Variants in CTTNBP2 observed in about 807,000 individuals in gnomAD.
CTTNBP2 encodes cortactin-binding protein 2.
Under a neutral mutation model 156.9 loss-of-function variants are expected in CTTNBP2, and 108 were observed. The ratio of observed to expected loss-of-function variants is 0.69; its 90% confidence interval spans 0.59 to 0.81. CTTNBP2 has a LOEUF of 0.81. Among genes scored for constraint, CTTNBP2 ranks in the 30% least tolerant of loss-of-function variants. CTTNBP2 has a pLI of 0.00. For missense variants in CTTNBP2, 1,924 were observed against 2,035.4 expected, an observed-to-expected ratio of 0.95 and a Z score of 1.05; for synonymous variants, 767 against 751.8, an observed-to-expected ratio of 1.02 and a Z score of -0.33.
At chr7:117,806,853 G>A (rs956371469) in intron 3 of CTTNBP2, among the ~76,000 whole-genome samples, 3 of 151,314 alleles carry the variant, frequency 2.0e-5, no homozygotes, top group Non-Finnish European at 4.4e-5. Context: ...CTGCCTCCCA[G>A]GGTCAAGCAA....
At chr7:117,802,177 G>A (rs13226012) in intron 3 of CTTNBP2, among the ~76,000 whole-genome samples, 1 of 150,516 alleles carries the variant, frequency 6.6e-6, no homozygotes, top group Non-Finnish European at 1.5e-5. Flanking sequence ...TTGTTCTTGC[G>A]ATAGTTTACT....
chr7:117,741,718 A>AT (rs1796027671), intron 14 of CTTNBP2, among the ~76,000 whole-genome samples: 1 of 152,134 alleles, frequency 6.6e-6, no homozygotes, highest in South Asian at 2.1e-4. Flanking sequence ...CAAACACTTC[A>AT]TTTTTTAAAA....
intron 4 of CTTNBP2, among the ~76,000 whole-genome samples, chr7:117,788,459 T>C (rs1483438869): frequency 6.6e-6 from 1 of 152,192 alleles, no homozygotes; most frequent in African/African-American, 2.4e-5. Context: ...CCCTGTGCCT[T>C]GCTTTGGGCA....
chr7:117,776,888 A>C (rs1444021958), intron 8 of CTTNBP2, among the ~76,000 whole-genome samples: 1 of 152,244 alleles, frequency 6.6e-6, no homozygotes, highest in Non-Finnish European at 1.5e-5. Context: ...AAATGTTAGC[A>C]CGCACAGTGC....
intron 4 of CTTNBP2, among the ~76,000 whole-genome samples, chr7:117,788,615 T>C (rs1308233633): frequency 6.6e-6 from 1 of 152,190 alleles, no homozygotes; most frequent in Non-Finnish European, 1.5e-5. Context: ...ATGGTCACAG[T>C]GGCGAAAATA....
At chr7:117,788,142 T>A (rs1798802472) in intron 4 of CTTNBP2, among the ~76,000 whole-genome samples, 1 of 152,028 alleles carries the variant, frequency 6.6e-6, no homozygotes, top group Non-Finnish European at 1.5e-5. Flanking sequence ...GCCCAGCTAA[T>A]TTTTATATTT....
At chr7:117,862,318 G>T (rs953974716) in intron 1 of CTTNBP2, among the ~76,000 whole-genome samples, 54 of 151,846 alleles carry the variant, frequency 3.6e-4, no homozygotes, top group African/African-American at 1.2e-3. Context: ...GGGGTGGGGT[G>T]GGGGGGCGGT....
At chr7:117,853,217 G>A (rs909433388) in intron 2 of CTTNBP2, among the ~76,000 whole-genome samples, 2 of 152,120 alleles carry the variant, frequency 1.3e-5, no homozygotes, top group African/African-American at 2.4e-5. Flanking sequence ...ACCATCATGG[G>A]ATGGATGGAG....
chr7:117,807,667 C>A (rs1030131362), intron 3 of CTTNBP2, among the ~76,000 whole-genome samples: 1 of 152,044 alleles, frequency 6.6e-6, no homozygotes, highest in Admixed American at 6.5e-5. Context: ...ATGAGTGATA[C>A]AAAAAAGAAG....
chr7:117,718,870 A>T (rs1032197480), intron 21 of CTTNBP2, among the ~76,000 whole-genome samples: 5 of 152,176 alleles, frequency 3.3e-5, no homozygotes, highest in Admixed American at 3.3e-4. Context: ...GAAAGGAAAA[A>T]TATCTGAGGA....
At chr7:117,840,761 G>A (rs1475425556) in intron 2 of CTTNBP2, among the ~76,000 whole-genome samples, 1 of 152,168 alleles carries the variant, frequency 6.6e-6, no homozygotes, top group Non-Finnish European at 1.5e-5. Context: ...CAGAAAATCT[G>A]AATGGTGAGG....
At chr7:117,779,462 T>C (rs921630942) in intron 7 of CTTNBP2, among the ~76,000 whole-genome samples, 1 of 152,300 alleles carries the variant, frequency 6.6e-6, no homozygotes, top group Non-Finnish European at 1.5e-5. Flanking sequence ...TGGATTTCTG[T>C]GTTCTCTAAC....
chr7:117,752,908 G>T (rs1796687751), intron 12 of CTTNBP2, among the ~76,000 whole-genome samples: 2 of 152,080 alleles, frequency 1.3e-5, no homozygotes. Context: ...AATAGAGGTT[G>T]GTGTATAATA....
chr7:117,819,485 A>G (rs1203894598), intron 2 of CTTNBP2, among the ~76,000 whole-genome samples: 1 of 151,994 alleles, frequency 6.6e-6, no homozygotes, highest in East Asian at 1.9e-4. Context: ...AAGGATAATT[A>G]CTTCCCAATG....
In CTTNBP2 at chr7:117,767,160, A is replaced by G; in HGVS notation, c.2795T>C (p.Leu932Ser). Residue 932 changes from leucine (L) to serine (S), a missense_variant, in exon 9 of 23, where the codon TTG becomes TCG. Leu to Ser is a moderately radical substitution (Grantham distance 145). Coordinates refer to ENST00000160373, the MANE Select transcript of CTTNBP2 (RefSeq NM_033427.3). ...TGGCTCAAGCCCTCCGTGCCTACAC[A>G]AGATTTCTAGGCAGTTCTATAAAGA... is the stretch of plus-strand genomic sequence containing the variant. ...SKGFKNCLEI[L>S]CRHGGLEPER... 6.2e-7 allele frequency: 1 copy of G among 1,604,798 alleles called. No homozygotes were observed. Among genetic ancestry groups the G allele is most frequent in the Non-Finnish European group, 8.5e-7 (1 of 1,171,510 alleles).
At chr7:117,801,435 G>C (rs1209187317) in intron 3 of CTTNBP2, among the ~76,000 whole-genome samples, 1 of 152,164 alleles carries the variant, frequency 6.6e-6, no homozygotes, top group African/African-American at 2.4e-5. Context: ...AAAGATTGAA[G>C]AGCTGTTGCA....
chr7:117,714,065 A>T (rs1467291560), intron 22 of CTTNBP2: 1 of 152,242 alleles, frequency 6.6e-6, no homozygotes. Flanking sequence ...GCTGAGCTAC[A>T]TCTGGTGAGG....
intron 21 of CTTNBP2, among the ~76,000 whole-genome samples, chr7:117,718,328 AAGAATCCACTT>A (rs1163561115): frequency 6.6e-6 from 1 of 152,190 alleles, no homozygotes; most frequent in African/African-American, 2.4e-5. Context: ...TCTAAGGAAA[AAGAATCCACTT>A]AAAACGTCAA....
intron 11 of CTTNBP2, 79 bp from the exon 12 acceptor site, chr7:117,756,713 T>C: frequency 2.1e-6 from 2 of 968,884 alleles, no homozygotes; most frequent in Non-Finnish European, 1.7e-6. Context: ...GAATCTATCA[T>C]AGAAGATGAA....
Sources: allele counts gnomAD v4.1 joint callset (sites outside exome capture counted in the v4.1 genomes callset), GRCh38; gene constraint gnomAD v4.1.1; transcripts MANE v1.5; gene names NCBI Gene and HGNC (gene_info 2026-07-23, HGNC 2026-07-21).